IMMP2L: variants seen among roughly 807,000 people sequenced by gnomAD.
IMMP2L encodes the protein inner mitochondrial membrane peptidase subunit 2, also known as mitochondrial inner membrane protease subunit 2.
IMMP2L carries 18 observed loss-of-function variants against 19.3 expected under a neutral mutation model. The observed-to-expected ratio is 0.93, with a 90% CI of 0.64 to 1.38. The LOEUF (loss-of-function observed/expected upper bound fraction) is 1.38, where lower values mean the gene tolerates loss of function less well. Ranked by LOEUF, IMMP2L falls within the 40% of genes most tolerant of loss-of-function variation. IMMP2L has a pLI of 0.00. For synonymous variants in IMMP2L, 76 were observed against 73.0 expected (o/e 1.04, Z -0.21); for missense variants, 233 against 218.2 (o/e 1.07, Z -0.43).
intron 3 of IMMP2L, among the ~76,000 whole-genome samples, chr7:111,176,215 T>G (rs1053099732): frequency 6.6e-6 from 1 of 151,918 alleles, no homozygotes; most frequent in African/African-American, 2.4e-5. Flanking sequence ...TGAAGGCCCA[T>G]CATAAAACTA....
At chr7:110,988,826 G>A (rs981979048) in intron 3 of IMMP2L, among the ~76,000 whole-genome samples, 11 of 152,092 alleles carry the variant, frequency 7.2e-5, no homozygotes, top group Admixed American at 3.9e-4. Context: ...TGATAATTTG[G>A]AAGGATTATC....
At chr7:111,151,828 C>G (rs982174829) in intron 3 of IMMP2L, among the ~76,000 whole-genome samples, 2 of 152,060 alleles carry the variant, frequency 1.3e-5, no homozygotes, top group Admixed American at 6.5e-5. Context: ...CCCAGCTACT[C>G]AGGAGGCTGA....
chr7:110,844,167 T>C (rs903980936), intron 5 of IMMP2L, among the ~76,000 whole-genome samples: 1 of 152,174 alleles, frequency 6.6e-6, no homozygotes, highest in African/African-American at 2.4e-5. Context: ...GAGAAACATT[T>C]TTCGACATCT....
chr7:110,993,328 G>T (rs1822686319), intron 3 of IMMP2L, among the ~76,000 whole-genome samples: 1 of 152,094 alleles, frequency 6.6e-6, no homozygotes, highest in Non-Finnish European at 1.5e-5. Flanking sequence ...CTATGTCTCT[G>T]CTCTAAACAG....
At chr7:110,829,212 G>C (rs1341561792) in intron 5 of IMMP2L, among the ~76,000 whole-genome samples, 1 of 152,224 alleles carries the variant, frequency 6.6e-6, no homozygotes, top group Non-Finnish European at 1.5e-5. Context: ...AGGTGCTAAA[G>C]CTAAACTCCC....
intron 2 of IMMP2L, among the ~76,000 whole-genome samples, chr7:111,496,551 C>T (rs942476359): frequency 1.3e-5 from 2 of 152,242 alleles, no homozygotes; most frequent in South Asian, 2.1e-4. Context: ...TAGTTGAGGG[C>T]TTGGATACAA....
intron 3 of IMMP2L, among the ~76,000 whole-genome samples, chr7:111,162,602 G>A (rs1359862046): frequency 6.6e-6 from 1 of 151,046 alleles, no homozygotes; most frequent in Non-Finnish European, 1.5e-5. Flanking sequence ...AGGCATGTTT[G>A]TGAATCAAGG....
rs375595059 is a variant in IMMP2L, at chr7:111,039,678, G to A, written c.240-76113C>T. ...TTTAAAAACCATCACAACAAAAACC[G>A]TCCAGTTTTACTGCATTAATCAAAA... On this transcript the variant is annotated intron_variant, in intron 3 of 5. Transcript: ENST00000405709. Among the ~76,000 whole-genome samples the A allele has an allele frequency of 3.0e-4, 46 of 152,100 alleles. 2 individuals carry two copies. Among genetic ancestry groups the A allele is most frequent in the East Asian group, 2.1e-3 (11 of 5,184 alleles).
chr7:110,970,015 C>T (rs1344833401), intron 3 of IMMP2L, among the ~76,000 whole-genome samples: 1 of 152,046 alleles, frequency 6.6e-6, no homozygotes, highest in Non-Finnish European at 1.5e-5. Context: ...AAAAAGTGTT[C>T]TTGGTTAAAT....
At chr7:110,771,761 T>C (rs534923032) in intron 5 of IMMP2L, among the ~76,000 whole-genome samples, 14 of 152,234 alleles carry the variant, frequency 9.2e-5, no homozygotes, top group African/African-American at 2.6e-4. Context: ...CCAGCTATAA[T>C]TCTAATGGCT....
intron 5 of IMMP2L, among the ~76,000 whole-genome samples, chr7:110,854,303 C>T (rs1806530843): frequency 6.6e-6 from 1 of 151,880 alleles, no homozygotes; most frequent in Non-Finnish European, 1.5e-5. Context: ...TTAAATATTA[C>T]ATCCACTATG....
At chr7:111,173,447 T>C (rs995504175) in intron 3 of IMMP2L, among the ~76,000 whole-genome samples, 1 of 151,650 alleles carries the variant, frequency 6.6e-6, no homozygotes, top group Non-Finnish European at 1.5e-5. Flanking sequence ...TAGTAAACTT[T>C]CTAAAGATGC....
chr7:110,955,761 C>T (rs1818293077), intron 4 of IMMP2L, among the ~76,000 whole-genome samples: 1 of 151,854 alleles, frequency 6.6e-6, no homozygotes, highest in Non-Finnish European at 1.5e-5. Context: ...AAATATTTAA[C>T]AGGGTCCTGG....
At chr7:110,934,375 T>A (rs1273282579) in intron 4 of IMMP2L, among the ~76,000 whole-genome samples, 1 of 152,098 alleles carries the variant, frequency 6.6e-6, no homozygotes, top group African/African-American at 2.4e-5. Context: ...CAGAGCTGAG[T>A]TCAAGTCCTG....
At chr7:110,669,247 G>C (rs865996965) in intron 5 of IMMP2L, among the ~76,000 whole-genome samples, 6 of 152,210 alleles carry the variant, frequency 3.9e-5, no homozygotes, top group Middle Eastern at 3.4e-3. Context: ...GTTGCAGTTC[G>C]AGTCCAAAGG....
intron 2 of IMMP2L, among the ~76,000 whole-genome samples, chr7:111,495,274 T>C (rs1843487008): frequency 6.6e-6 from 1 of 152,128 alleles, no homozygotes; most frequent in South Asian, 2.1e-4. Context: ...CAGTTGTATC[T>C]CACAAATTGT....
At chr7:110,819,198 G>T (rs972675371) in intron 5 of IMMP2L, among the ~76,000 whole-genome samples, 8 of 151,954 alleles carry the variant, frequency 5.3e-5, no homozygotes, top group African/African-American at 1.9e-4. Flanking sequence ...ACTTCCTTTG[G>T]AACTGTAACT....
chr7:111,016,823 TAA>T (rs1491425197), intron 3 of IMMP2L, among the ~76,000 whole-genome samples: 578 of 56,532 alleles, frequency 0.01, 7 homozygotes, highest in African/African-American at 0.03. Flanking sequence ...ATATTATATA[TAA>T]TATATAGTAT....
intron 3 of IMMP2L, among the ~76,000 whole-genome samples, chr7:111,150,549 G>C (rs1219788293): frequency 6.6e-6 from 1 of 152,160 alleles, no homozygotes. Context: ...CACTGAGCTG[G>C]CTTCACAATT....
Sources: allele counts gnomAD v4.1 joint callset (sites outside exome capture counted in the v4.1 genomes callset), GRCh38; gene constraint gnomAD v4.1.1; transcripts MANE v1.5; gene names NCBI Gene and HGNC (gene_info 2026-07-23, HGNC 2026-07-21).